Variants in BCLAF1 observed in about 807,000 individuals in gnomAD.
The protein encoded by BCLAF1 is BCL2 associated transcription factor 1.
BCLAF1 carries 10 observed loss-of-function variants against 99.5 expected under a neutral mutation model. The observed-to-expected ratio is 0.10, with a 90% confidence interval of 0.06 to 0.17. The LOEUF is 0.17. BCLAF1 is among the 10% of genes least tolerant of loss of function. The probability of loss-of-function intolerance (pLI) is 1.00; values close to 1 mark genes in which losing one functional copy is unlikely to be tolerated. For missense variants in BCLAF1, 636 were observed against 1,105.8 expected, an observed-to-expected ratio of 0.58 and a Z score of 6.02; for synonymous variants, 255 against 370.9, an observed-to-expected ratio of 0.69 and a Z score of 3.59.
At chr6:136,269,892 T>G (rs923962887) in intron 8 of BCLAF1, 3 of 250,366 alleles carry the variant, frequency 1.2e-5, no homozygotes, top group African/African-American at 4.5e-5. Flanking sequence ...CAATCTATAA[T>G]AAATTTTTGT....
intron 3 of BCLAF1, 87 bp from the exon 4 acceptor site, chr6:136,278,863 T>TA (rs1310350425): frequency 7.9e-7 from 1 of 1,263,932 alleles, no homozygotes; most frequent in East Asian, 2.6e-5. Flanking sequence ...AACATGTAAA[T>TA]AAACAGTAAA....
At chr6:136,272,713 T>G (rs555777928) in intron 7 of BCLAF1, among the ~76,000 whole-genome samples, 1 of 151,958 alleles carries the variant, frequency 6.6e-6, no homozygotes, top group Non-Finnish European at 1.5e-5. Context: ...CACAACTATC[T>G]GACTTCAATG....
Position 136,276,247 on chromosome 6 carries a change from T to C in BCLAF1, c.1278A>G (p.Ala426=). ...CTTCCTCCTCAGTATTCCGGTGAGA[T>C]GCAGTAGCAAAACTTTTACCCTGAT... ...LADQGKSFAT[A]SHRNTEEEGL... Residue 426 remains alanine (A), a synonymous_variant, in exon 5 of 13, where the codon GCA becomes GCG. Coordinates refer to ENST00000531224, the MANE Select transcript of BCLAF1 (RefSeq NM_014739.3). The C allele has an allele frequency of 3.1e-6, 5 of 1,605,864 alleles. No individual in the cohort carries two copies. Among genetic ancestry groups the C allele is most frequent in the Non-Finnish European group, 4.2e-6 (5 of 1,177,128 alleles).
Position 136,271,898 on chromosome 6 carries a change from A to G in BCLAF1, c.2043+97T>C, listed in dbSNP as rs1276798660. ...TATAGTTATGAATTAAAAGTAGAAG[A>G]TATCTATAGACATTTTGCCTTGAGA... On this transcript the variant is annotated intron_variant, in intron 8 of 12. Coordinates refer to ENST00000531224, the MANE Select transcript of BCLAF1 (RefSeq NM_014739.3). 5.9e-5 allele frequency: 48 copies of G among 808,824 alleles called. No individual in the cohort carries two copies. The East Asian group carries it at 8.9e-4, about 15-fold the overall frequency. 50.1% of individuals were successfully genotyped at this position (808,824 alleles called of 1,614,324 possible).
At chr6:136,275,461 G>A in intron 6 of BCLAF1, 71 bp downstream of exon 6, 1 of 1,352,122 alleles carries the variant, frequency 7.4e-7, no homozygotes, top group Admixed American at 2.7e-5. Context: ...GAATTATTAA[G>A]CATAATTACA....
intron 5 of BCLAF1, 28 bp from the exon 6 acceptor site, chr6:136,275,729 C>A (rs2128480076): frequency 1.3e-6 from 2 of 1,567,348 alleles, no homozygotes; most frequent in East Asian, 2.2e-5. Flanking sequence ...CACACACACA[C>A]ACAAAATATA....
In BCLAF1 at chr6:136,256,627, G is replaced by A. The variant is rs191012903; in HGVS notation, c.*4483C>T. 509 of 155,624 alleles carry A rather than the reference G, an allele frequency of 3.3e-3. 2 individuals carry two copies. Among genetic ancestry groups the A allele is most frequent in the South Asian group, 0.027 (132 of 4,878 alleles). 9.6% of individuals were successfully genotyped at this position (155,624 alleles called of 1,614,324 possible). A position where few individuals can be genotyped will look rare whatever the true frequency, so the allele number is the denominator to read the frequency against. The stretch of plus-strand genomic sequence containing the variant: ...TGGGAGGCGGAGGTTGCAGTGAGCC[G>A]AGCTCGAGCCACTGCACTCTAGTCT... On this transcript the variant is annotated 3_prime_UTR_variant, in exon 13 of 13. Coordinates refer to ENST00000531224, the MANE Select transcript of BCLAF1 (RefSeq NM_014739.3).
In BCLAF1 at chr6:136,258,115, T is replaced by C. The variant is rs1283575375; in HGVS notation, c.*2995A>G. 6.6e-6 allele frequency: 1 copy of C among 152,078 alleles called. No individual in the cohort carries two copies. The highest frequency in any genetic ancestry group is 1.5e-5 in the Non-Finnish European group (1 of 67,934). 9.4% of individuals were successfully genotyped at this position (152,078 alleles called of 1,614,324 possible). ...CTTAGTACACAAATTTCTGTGAAAA[T>C]GCTTTGTTAAAACTGACAGGATGGC... On this transcript the variant is annotated 3_prime_UTR_variant, in exon 13 of 13. Transcript: ENST00000531224.
intron 2 of BCLAF1, among the ~76,000 whole-genome samples, chr6:136,280,078 G>A (rs1234232386): frequency 6.6e-6 from 1 of 152,080 alleles, no homozygotes; most frequent in African/African-American, 2.4e-5. Flanking sequence ...AGGTACTGTC[G>A]ATTAAAGACA....
At chr6:136,273,890 T>A (rs1046930978) in intron 6 of BCLAF1, 4 of 868,224 alleles carry the variant, frequency 4.6e-6, no homozygotes, top group Non-Finnish European at 5.9e-6. Flanking sequence ...TATAAAGTCA[T>A]GAGCTATGAA....
rs1185714790 is a variant in BCLAF1 at position 136,289,717 on chromosome 6, C to CA, written c.-120dup. 6.5e-6 allele frequency: 1 copy of CA among 152,764 alleles called. No homozygotes were observed. Among genetic ancestry groups the CA allele is most frequent in the African/African-American group, 2.4e-5 (1 of 41,486 alleles). The allele number at this position is 152,764 out of a possible 1,614,324, so 9.5% of individuals were successfully genotyped here. A position where few individuals can be genotyped will look rare whatever the true frequency, so the allele number is the denominator to read the frequency against. On this transcript the variant is annotated 5_prime_UTR_variant, in exon 1 of 13. Coordinates refer to ENST00000531224, the MANE Select transcript of BCLAF1 (RefSeq NM_014739.3). Reference sequence around the variant, plus strand: ...TGAATACATTGCGAGGCCTACCTGACACGCCGAATCGCGGTTCCGGGAATT... The same window carrying CA: ...TGAATACATTGCGAGGCCTACCTGACAACGCCGAATCGCGGTTCCGGGAATT...
At chr6:136,287,978 C>A (rs571627497) in intron 1 of BCLAF1, among the ~76,000 whole-genome samples, 1 of 152,252 alleles carries the variant, frequency 6.6e-6, no homozygotes, top group South Asian at 2.1e-4. Context: ...CGAGACTGGG[C>A]CACTGCACTC....
intron 8 of BCLAF1, among the ~76,000 whole-genome samples, chr6:136,270,778 C>T (rs990028288): frequency 6.6e-6 from 1 of 151,768 alleles, no homozygotes; most frequent in Non-Finnish European, 1.5e-5. Flanking sequence ...TCTACTTTTT[C>T]TCCTCTGGAT....
Position 136,258,717 on chromosome 6 carries a change from A to T in BCLAF1, c.*2393T>A, listed in dbSNP as rs14514. On this transcript the variant is annotated 3_prime_UTR_variant, in exon 13 of 13. Transcript: ENST00000531224. ...TACTGGGTAATATTTTTCTCAAATT[A>T]TAATTCCCAACACTGATTTTACCTG... 6.6e-6 allele frequency: 1 copy of T among 152,514 alleles called. No homozygotes were observed. Among genetic ancestry groups the T allele is most frequent in the Non-Finnish European group, 1.5e-5 (1 of 67,912 alleles). The allele number at this position is 152,514 out of a possible 1,614,324, so 9.4% of individuals were successfully genotyped here.
At position 136,272,005 on chromosome 6, in the gene BCLAF1, T is replaced by A. The variant is rs1471556826; in HGVS notation, c.2033A>T (p.Glu678Val). 36 of 1,602,524 alleles carry A rather than the reference T, an allele frequency of 2.2e-5. No homozygotes were observed. Among genetic ancestry groups the A allele is most frequent in the Non-Finnish European group, 3.1e-5 (36 of 1,172,284 alleles). Residue 678 changes from glutamate to valine, a missense_variant, in exon 8 of 13, where the codon GAA becomes GTA. Transcript: ENST00000531224. Reference sequence around the variant, plus strand: ...CATTCAAAAACATACCTTTTGATTTTCTTCTTTAAAAACTCTCTCTTCCCC... The same window carrying A: ...CATTCAAAAACATACCTTTTGATTTACTTCTTTAAAAACTCTCTCTTCCCC... The part of the protein sequence containing the change: ...LAGEERVFKE[E>V]NQKGDKKLRC...
At chr6:136,271,920 G>T in intron 8 of BCLAF1, 75 bp downstream of exon 8, 1 of 1,102,908 alleles carries the variant, frequency 9.1e-7, no homozygotes, top group Non-Finnish European at 1.3e-6. Flanking sequence ...ATTTTGCCTT[G>T]AGAAACTATA....
rs1316406276 is a variant in BCLAF1, at chr6:136,259,866, A to C, written c.*1244T>G. 1.3e-5 allele frequency: 2 copies of C among 152,050 alleles called. No homozygotes were observed. The highest frequency in any genetic ancestry group is 2.9e-5 in the Non-Finnish European group (2 of 67,908). The allele number at this position is 152,050 out of a possible 1,614,324, so 9.4% of individuals were successfully genotyped here. A position where few individuals can be genotyped will look rare whatever the true frequency, so the allele number is the denominator to read the frequency against. ...CCATAAAGCAGACACTTAACATTGAAATTTACTATTTTAGATTTTCACTCC... is the reference window on the plus strand; with the variant it reads ...CCATAAAGCAGACACTTAACATTGACATTTACTATTTTAGATTTTCACTCC... On this transcript the variant is annotated 3_prime_UTR_variant, in exon 13 of 13. Transcript: ENST00000531224.
chr6:136,264,618 A>T (rs879848567), intron 11 of BCLAF1, among the ~76,000 whole-genome samples: 6 of 152,202 alleles, frequency 3.9e-5, no homozygotes, highest in Non-Finnish European at 7.3e-5. Context: ...TTTCTTCTGA[A>T]TCATATTTTT....
intron 10 of BCLAF1, 130 bp from the exon 11 acceptor site, chr6:136,267,305 G>T: frequency 9.3e-7 from 1 of 1,079,168 alleles, no homozygotes; most frequent in Non-Finnish European, 1.3e-6. Flanking sequence ...GGCCATTGAG[G>T]ATGAAAAGGA....
Sources: allele counts gnomAD v4.1 joint callset (sites outside exome capture counted in the v4.1 genomes callset), GRCh38; gene constraint gnomAD v4.1.1; transcripts MANE v1.5; gene names NCBI Gene and HGNC (gene_info 2026-07-23, HGNC 2026-07-21).